ANKS1B: variants seen among roughly 807,000 people sequenced by gnomAD.
The protein encoded by ANKS1B is ankyrin repeat and sterile alpha motif domain containing 1B.
A neutral mutation model predicts 148.3 loss-of-function variants in ANKS1B; 36 were observed. The ratio of observed to expected loss-of-function variants is 0.24; its 90% CI spans 0.19 to 0.32. ANKS1B has a LOEUF of 0.32. ANKS1B is among the 10% of genes least tolerant of loss of function. ANKS1B has a pLI of 1.00. For missense variants in ANKS1B, 1,157 were observed against 1,542.6 expected (o/e 0.75, Z 4.19); for synonymous variants, 542 against 560.8 (o/e 0.97, Z 0.47).
intron 11 of ANKS1B, among the ~76,000 whole-genome samples, chr12:99,413,912 C>T (rs1036001538): frequency 9.9e-5 from 15 of 151,990 alleles, no homozygotes; most frequent in Non-Finnish European, 1.6e-4. Context: ...GGGCCCTCAC[C>T]CGGTGCACCA....
chr12:98,841,076 A>G (rs377757052), intron 17 of ANKS1B, among the ~76,000 whole-genome samples: 258 of 152,288 alleles, frequency 1.7e-3, no homozygotes, highest in Middle Eastern at 0.01. Context: ...CTGTTTTGCT[A>G]TATTTTGCTA....
intron 9 of ANKS1B, among the ~76,000 whole-genome samples, chr12:98,736,966 A>G (rs1341140968): frequency 6.6e-6 from 1 of 152,222 alleles, no homozygotes; most frequent in African/African-American, 2.4e-5. Flanking sequence ...ACAACAGATG[A>G]TAAGAAAACA....
intron 12 of ANKS1B, among the ~76,000 whole-genome samples, chr12:99,384,909 C>T (rs1346634033): frequency 6.6e-6 from 1 of 152,048 alleles, no homozygotes; most frequent in Admixed American, 6.6e-5. Context: ...TGGATATTAA[C>T]ATTTTATAAG....
intron 19 of ANKS1B, among the ~76,000 whole-genome samples, chr12:98,823,908 C>T (rs1255267918): frequency 2.0e-5 from 3 of 152,194 alleles, no homozygotes; most frequent in Non-Finnish European, 4.4e-5. Context: ...AACAACAGGC[C>T]TATTCTCTCA....
intron 4 of ANKS1B, among the ~76,000 whole-genome samples, chr12:99,793,241 A>C (rs1042437790): frequency 1.3e-5 from 2 of 152,100 alleles, no homozygotes; most frequent in Admixed American, 1.3e-4. Context: ...AAGAATCAAT[A>C]TTGTTAAAAT....
At chr12:98,847,612 T>C (rs963220128) in intron 17 of ANKS1B, among the ~76,000 whole-genome samples, 3 of 152,144 alleles carry the variant, frequency 2.0e-5, no homozygotes, top group East Asian at 3.9e-4. Flanking sequence ...TTTTCTTCTT[T>C]TGAGATGGAG....
intron 12 of ANKS1B, among the ~76,000 whole-genome samples, chr12:99,363,707 T>C (rs1459618517): frequency 6.6e-6 from 1 of 152,188 alleles, no homozygotes; most frequent in Non-Finnish European, 1.5e-5. Flanking sequence ...ACTATGCCTT[T>C]AAGTTTTAAT....
At chr12:99,229,247 A>G (rs2086442652) in intron 14 of ANKS1B, among the ~76,000 whole-genome samples, 1 of 151,862 alleles carries the variant, frequency 6.6e-6, no homozygotes, top group African/African-American at 2.4e-5. Flanking sequence ...CTGTGGTAAT[A>G]TATATAGATA....
rs577740742 is a variant in ANKS1B, at chr12:99,399,554, C to T, written c.1756+77G>A. 2.2e-5 allele frequency: 32 copies of T among 1,471,234 alleles called. No homozygotes were observed. In the African/African-American group the frequency reaches 3.1e-4, roughly 14 times the overall value. The allele number at this position is 1,471,234 out of a possible 1,614,324, so 91.1% of individuals were successfully genotyped here. ...AAACACAATGCAATTTGTACGAAGA[C>T]TCCTCCTAATTCCTCTAACTCATAA... On this transcript the variant is annotated intron_variant, in intron 12 of 26. Coordinates refer to ENST00000683438, the MANE Select transcript of ANKS1B (RefSeq NM_001352186.2).
At chr12:99,338,768 C>T (rs79991501) in intron 12 of ANKS1B, among the ~76,000 whole-genome samples, 2,489 of 152,240 alleles carry the variant, frequency 0.016, 71 homozygotes, top group African/African-American at 0.057. Flanking sequence ...ATGTCCTTCC[C>T]TTCAAGATAG....
At chr12:98,903,874 C>G (rs75191420) in intron 17 of ANKS1B, among the ~76,000 whole-genome samples, 2,060 of 152,240 alleles carry the variant, frequency 0.014, 42 homozygotes, top group African/African-American at 0.047. Context: ...TCATTACCAA[C>G]TGAAGAAGCC....
At chr12:99,841,750 C>T (rs1447411813) in intron 1 of ANKS1B, among the ~76,000 whole-genome samples, 1 of 151,928 alleles carries the variant, frequency 6.6e-6, no homozygotes, top group East Asian at 1.9e-4. Flanking sequence ...AAGTTCTTTC[C>T]ATTTAGGCTT....
intron 1 of ANKS1B, among the ~76,000 whole-genome samples, chr12:99,928,802 C>T (rs2094540380): frequency 6.6e-6 from 1 of 152,156 alleles, no homozygotes; most frequent in Admixed American, 6.5e-5. Context: ...AGGATCGTAA[C>T]TCCAGGTGAC....
intron 12 of ANKS1B, among the ~76,000 whole-genome samples, chr12:99,374,157 TATAGA>T (rs2093281999): frequency 6.6e-6 from 1 of 152,118 alleles, no homozygotes. Flanking sequence ...TTTCCAGAAG[TATAGA>T]GGTTCCCAGA....
intron 1 of ANKS1B, among the ~76,000 whole-genome samples, chr12:99,974,420 C>A (rs1020471713): frequency 6.6e-6 from 1 of 151,970 alleles, no homozygotes; most frequent in Non-Finnish European, 1.5e-5. Context: ...CTGATATAGG[C>A]AAATAATATA....
chr12:99,757,020 C>T (rs978217821), intron 8 of ANKS1B, among the ~76,000 whole-genome samples: 2 of 151,946 alleles, frequency 1.3e-5, no homozygotes, highest in Admixed American at 6.6e-5. Flanking sequence ...TAAGTAATAC[C>T]ATTCAGGACA....
intron 16 of ANKS1B, among the ~76,000 whole-genome samples, chr12:99,061,266 T>C (rs2042378466): frequency 1.3e-5 from 2 of 152,172 alleles, no homozygotes; most frequent in Non-Finnish European, 2.9e-5. Context: ...CGACCTAGAA[T>C]TCCTCTTTTT....
At chr12:99,106,417 C>T (rs1013879615) in intron 15 of ANKS1B, among the ~76,000 whole-genome samples, 1 of 152,202 alleles carries the variant, frequency 6.6e-6, no homozygotes, top group Non-Finnish European at 1.5e-5. Flanking sequence ...ACTTGAGTGG[C>T]CTACAGCCAT....
intron 10 of ANKS1B, among the ~76,000 whole-genome samples, chr12:99,450,444 G>C (rs977849627): frequency 6.6e-6 from 1 of 152,190 alleles, no homozygotes; most frequent in Non-Finnish European, 1.5e-5. Flanking sequence ...TTCATTGCAA[G>C]GGCTGGTCTT....
Sources: allele counts gnomAD v4.1 joint callset (sites outside exome capture counted in the v4.1 genomes callset), GRCh38; gene constraint gnomAD v4.1.1; transcripts MANE v1.5; gene names NCBI Gene and HGNC (gene_info 2026-07-23, HGNC 2026-07-21).